CHSY1: variants seen among roughly 807,000 people sequenced by gnomAD.
CHSY1 encodes the protein N-acetylgalactosaminyl-proteoglycan 3-beta-glucuronosyltransferase 1.
CHSY1 carries 13 observed loss-of-function variants against 59.8 expected under a neutral mutation model. The ratio of observed to expected loss-of-function variants is 0.22; its 90% CI spans 0.14 to 0.35. CHSY1 has a LOEUF of 0.35. Among genes scored for constraint, CHSY1 ranks in the 10% least tolerant of loss-of-function variants. The probability of loss-of-function intolerance (pLI) is 1.00; values close to 1 mark genes in which losing one functional copy is unlikely to be tolerated. For synonymous variants in CHSY1, 459 were observed against 401.2 expected, an observed-to-expected ratio of 1.14 and a Z score of -1.72; for missense variants, 947 against 1,030.6, an observed-to-expected ratio of 0.92 and a Z score of 1.11.
chr15:101,207,120 T>A (rs2038634890), intron 2 of CHSY1, among the ~76,000 whole-genome samples: 1 of 152,196 alleles, frequency 6.6e-6, no homozygotes, highest in African/African-American at 2.4e-5. Context: ...ACAAATATTG[T>A]CTAATATATT....
At chr15:101,179,069 T>C (rs1358857555) in intron 2 of CHSY1, 89 bp from the exon 3 acceptor site, 3 of 1,304,222 alleles carry the variant, frequency 2.3e-6, no homozygotes, top group Middle Eastern at 2.3e-4. Flanking sequence ...ATTAGAAATG[T>C]TTCTGAATGG....
intron 2 of CHSY1, among the ~76,000 whole-genome samples, chr15:101,183,839 A>T (rs2038314349): frequency 6.6e-6 from 1 of 152,246 alleles, no homozygotes; most frequent in Admixed American, 6.5e-5. Context: ...TTGTTGAATG[A>T]CATCCATACA....
At chr15:101,231,713 C>T (rs1361893696) in intron 2 of CHSY1, among the ~76,000 whole-genome samples, 2 of 152,230 alleles carry the variant, frequency 1.3e-5, no homozygotes, top group African/African-American at 4.8e-5. Context: ...TCCATACGTA[C>T]AGTACACGTC....
intron 2 of CHSY1, among the ~76,000 whole-genome samples, chr15:101,192,697 T>TCTCACAGATTCTTTTCACA (rs61088779): frequency 1.3e-5 from 2 of 151,866 alleles, no homozygotes; most frequent in Non-Finnish European, 2.9e-5. Context: ...TGAAGGCAGG[T>TCTCACAGATTCTTTTCACA]CTCACAGCAC....
chr15:101,225,839 C>G (rs2038836161), intron 2 of CHSY1, among the ~76,000 whole-genome samples: 1 of 152,222 alleles, frequency 6.6e-6, no homozygotes, highest in African/African-American at 2.4e-5. Context: ...GAGGTGATAA[C>G]AGCTGTGATC....
Position 101,251,310 on chromosome 15 carries a change from C to A in CHSY1, c.147G>T (p.Arg49=). The A allele has an allele frequency of 8.6e-7, 1 of 1,158,552 alleles. No individual in the cohort carries two copies. The highest frequency in any genetic ancestry group is 3.0e-5 in the South Asian group (1 of 33,174). The allele number at this position is 1,158,552 out of a possible 1,614,324, so 71.8% of individuals were successfully genotyped here. A position where few individuals can be genotyped will look rare whatever the true frequency, so the allele number is the denominator to read the frequency against. Residue 49 remains arginine (R), a synonymous_variant, in exon 1 of 3, where the codon CGG becomes CGT. Coordinates refer to ENST00000254190, the MANE Select transcript of CHSY1 (RefSeq NM_014918.5). The part of the protein sequence containing the change: ...PRRRASPEGC[R]SGQAAASQAG... ...CCTGGGAAGCCGCCGCCTGCCCGGA[C>A]CGGCAGCCCTCGGGGCTGGCGCGGC...
At chr15:101,235,712 T>C in intron 1 of CHSY1, 135 bp from the exon 2 acceptor site, 1 of 931,900 alleles carries the variant, frequency 1.1e-6, no homozygotes, top group African/African-American at 1.7e-5. Flanking sequence ...TGGTTCCTCT[T>C]AACGAAAGCC....
chr15:101,251,103 C>T, intron 1 of CHSY1, 34 bp downstream of exon 1: 2 of 1,540,500 alleles, frequency 1.3e-6, no homozygotes, highest in African/African-American at 1.4e-5. Context: ...GGATGCCGGA[C>T]GCAGGAGGCG....
In CHSY1 at chr15:101,175,874, G is replaced by A. The variant is rs182238593; in HGVS notation, c.*1514C>T. The A allele has an allele frequency of 2.7e-4, 45 of 166,954 alleles. No homozygotes were observed. Among genetic ancestry groups the A allele is most frequent in the Middle Eastern group, 2.6e-3 (1 of 390 alleles). The allele number at this position is 166,954 out of a possible 1,614,324, so 10.3% of individuals were successfully genotyped here. A position where few individuals can be genotyped will look rare whatever the true frequency, so the allele number is the denominator to read the frequency against. On this transcript the variant is annotated 3_prime_UTR_variant, in exon 3 of 3. Coordinates refer to ENST00000254190, the MANE Select transcript of CHSY1 (RefSeq NM_014918.5). ...TGAGCATCAGGCTATTTACAAATAC[G>A]CAGCCCTCCAATGACGTGTATTAAA...
intron 2 of CHSY1, among the ~76,000 whole-genome samples, chr15:101,190,407 G>C (rs990637865): frequency 6.6e-6 from 1 of 152,136 alleles, no homozygotes; most frequent in South Asian, 2.1e-4. Flanking sequence ...CAACCCTTGG[G>C]GCTGGAACAA....
At chr15:101,184,062 G>C (rs151242601) in intron 2 of CHSY1, among the ~76,000 whole-genome samples, 1 of 152,102 alleles carries the variant, frequency 6.6e-6, no homozygotes, top group African/African-American at 2.4e-5. Context: ...TTTATTCCTG[G>C]CCGTCCATAC....
chr15:101,248,458 TA>T (rs1436673368), intron 1 of CHSY1, among the ~76,000 whole-genome samples: 1 of 152,174 alleles, frequency 6.6e-6, no homozygotes, highest in East Asian at 1.9e-4. Flanking sequence ...TCTGACTTCT[TA>T]AGATCTGAGA....
intron 2 of CHSY1, among the ~76,000 whole-genome samples, chr15:101,215,864 C>T (rs954532464): frequency 1.3e-5 from 2 of 152,118 alleles, no homozygotes; most frequent in Non-Finnish European, 2.9e-5. Context: ...GTAAGTTGTT[C>T]AGACTTGTCT....
intron 2 of CHSY1, among the ~76,000 whole-genome samples, chr15:101,209,701 T>G (rs1391528029): frequency 6.6e-6 from 1 of 152,248 alleles, no homozygotes; most frequent in Non-Finnish European, 1.5e-5. Flanking sequence ...TTCTATATTT[T>G]CTATGTTTAA....
In CHSY1 at chr15:101,231,663, G is replaced by A. The variant is rs1217060036; in HGVS notation, c.816+3419C>T. Among the ~76,000 whole-genome samples the A allele has an allele frequency of 2.6e-5, 4 of 152,212 alleles. No individual in the cohort carries two copies. The East Asian group carries it at 7.7e-4, about 29-fold the overall frequency. On this transcript the variant is annotated intron_variant, in intron 2 of 2. Coordinates refer to ENST00000254190, the MANE Select transcript of CHSY1 (RefSeq NM_014918.5). The stretch of plus-strand genomic sequence containing the variant: ...TACTGGTTGCCTGCGTGCAGTCTGT[G>A]AAAATCCACTGGGCTTGACCCTTGC...
chr15:101,226,054 A>G (rs2038838987), intron 2 of CHSY1, among the ~76,000 whole-genome samples: 1 of 152,370 alleles, frequency 6.6e-6, no homozygotes, highest in Non-Finnish European at 1.5e-5. Flanking sequence ...ACAGATCCAA[A>G]GCAACTAACA....
At chr15:101,233,566 G>A (rs1480784888) in intron 2 of CHSY1, among the ~76,000 whole-genome samples, 1 of 152,172 alleles carries the variant, frequency 6.6e-6, no homozygotes, top group Non-Finnish European at 1.5e-5. Context: ...CCCTCAAACA[G>A]CTTTCCTCGC....
At chr15:101,185,545 C>G (rs1248438220) in intron 2 of CHSY1, among the ~76,000 whole-genome samples, 1 of 152,052 alleles carries the variant, frequency 6.6e-6, no homozygotes, top group East Asian at 1.9e-4. Context: ...CTCCATGGAG[C>G]ACCCTCCATC....
At chr15:101,208,181 C>T (rs1255383433) in intron 2 of CHSY1, among the ~76,000 whole-genome samples, 2 of 152,130 alleles carry the variant, frequency 1.3e-5, no homozygotes. Context: ...CAAGGACACA[C>T]ACACACATGC....
Sources: allele counts gnomAD v4.1 joint callset (sites outside exome capture counted in the v4.1 genomes callset), GRCh38; gene constraint gnomAD v4.1.1; transcripts MANE v1.5; gene names NCBI Gene and HGNC (gene_info 2026-07-23, HGNC 2026-07-21).